Variants in PLD1 observed in about 807,000 individuals in gnomAD.
The protein encoded by PLD1 is phospholipase D1, also known as choline phosphatase 1.
Under a neutral mutation model 137.1 loss-of-function variants are expected in PLD1, and 112 were observed. The observed-to-expected ratio is 0.82, with a 90% CI of 0.70 to 0.96. The LOEUF is 0.96. PLD1 is among the 40% of genes least tolerant of loss of function. The pLI is 0.00. For synonymous variants in PLD1, 431 were observed against 454.7 expected, an observed-to-expected ratio of 0.95 and a Z score of 0.66; for missense variants, 1,321 against 1,342.0, an observed-to-expected ratio of 0.98 and a Z score of 0.24.
At chr3:171,777,259 G>A (rs940703699) in intron 1 of PLD1, among the ~76,000 whole-genome samples, 1 of 152,214 alleles carries the variant, frequency 6.6e-6, no homozygotes, top group Non-Finnish European at 1.5e-5. Context: ...ATTGTTGTGT[G>A]TGAAAAGAGT....
At chr3:171,634,891 T>TCC (rs1734974823) in intron 23 of PLD1, among the ~76,000 whole-genome samples, 1 of 152,062 alleles carries the variant, frequency 6.6e-6, no homozygotes, top group African/African-American at 2.4e-5. Context: ...GACATTTTTA[T>TCC]CACTCCCCCA....
chr3:171,656,891 C>T (rs180815372), intron 21 of PLD1, among the ~76,000 whole-genome samples: 1 of 152,306 alleles, frequency 6.6e-6, no homozygotes, highest in African/African-American at 2.4e-5. Flanking sequence ...CAAGGTCATC[C>T]CCACTCCCTA....
intron 8 of PLD1, among the ~76,000 whole-genome samples, chr3:171,719,422 C>T (rs1254114319): frequency 1.3e-5 from 2 of 152,228 alleles, no homozygotes; most frequent in Non-Finnish European, 2.9e-5. Context: ...ATGCCTAGAA[C>T]TATCTTCTAG....
rs1484817822 is a variant in PLD1, at chr3:171,737,599, G to A, written c.221C>T (p.Thr74Met). 7.5e-6 allele frequency: 12 copies of A among 1,608,480 alleles called. No individual in the cohort carries two copies. The highest frequency in any genetic ancestry group is 3.3e-5 in the South Asian group (3 of 90,808). The change falls in exon 3 of 27, where the codon ACG becomes ATG. Residue 74 changes from threonine (T) to methionine (M), a missense_variant. Coordinates refer to ENST00000351298, the MANE Select transcript of PLD1 (RefSeq NM_002662.5). ...TQGFKEPNIQ[T>M]YLSGCPIKAQ... is the part of the protein sequence containing the mutation. ...TTTTATTGGACAGCCGGAGAGATAC[G>A]TCTGTATATTAGGCTCCTTAAATCC...
chr3:171,704,356 A>G (rs1334317650), intron 11 of PLD1, among the ~76,000 whole-genome samples: 2 of 152,102 alleles, frequency 1.3e-5, no homozygotes, highest in Non-Finnish European at 2.9e-5. Context: ...AAACAAAAAT[A>G]CTAACATTCT....
chr3:171,696,984 G>A (rs909640419), intron 12 of PLD1, among the ~76,000 whole-genome samples: 2 of 152,154 alleles, frequency 1.3e-5, no homozygotes, highest in Non-Finnish European at 2.9e-5. Flanking sequence ...AAAAAGTAAA[G>A]AGAAGTCACA....
At chr3:171,697,244 T>TA (rs1560227358) in intron 12 of PLD1, among the ~76,000 whole-genome samples, 9 of 80,532 alleles carry the variant, frequency 1.1e-4, no homozygotes, top group African/African-American at 5.1e-4. Context: ...CACCTTTTTT[T>TA]TTTTTTTTTT....
chr3:171,674,979 C>CAAAAAAAAAAAAAAAAAAAAAAAAAAAAA (rs376402019), intron 18 of PLD1, among the ~76,000 whole-genome samples: 1 of 75,038 alleles, frequency 1.3e-5, no homozygotes, highest in Non-Finnish European at 2.6e-5. Flanking sequence ...ATCTCCATCT[C>CAAAAAAAAAAAAAAAAAAAAAAAAAAAAA]AAAAAAAAAA....
intron 25 of PLD1, among the ~76,000 whole-genome samples, chr3:171,609,368 A>C (rs1732463436): frequency 6.6e-6 from 1 of 152,140 alleles, no homozygotes; most frequent in African/African-American, 2.4e-5. Flanking sequence ...ATCATTCAAT[A>C]CAACAATCCC....
intron 11 of PLD1, among the ~76,000 whole-genome samples, chr3:171,701,940 A>G (rs1316284789): frequency 6.6e-6 from 1 of 152,232 alleles, no homozygotes; most frequent in Non-Finnish European, 1.5e-5. Context: ...ACCACTTAGA[A>G]GATTTAATGA....
intron 1 of PLD1, among the ~76,000 whole-genome samples, chr3:171,787,843 T>C (rs1180035030): frequency 1.3e-5 from 2 of 152,042 alleles, no homozygotes; most frequent in South Asian, 2.1e-4. Context: ...ACTTGGTTTT[T>C]TTTAAGAAAA....
chr3:171,679,651 T>C (rs149432895), intron 16 of PLD1, among the ~76,000 whole-genome samples: 151 of 152,352 alleles, frequency 9.9e-4, no homozygotes, highest in Non-Finnish European at 1.7e-3. Context: ...AACAACCAGT[T>C]ATGATAAGGA....
intron 19 of PLD1, among the ~76,000 whole-genome samples, chr3:171,670,370 T>C (rs1712622981): frequency 6.6e-6 from 1 of 152,064 alleles, no homozygotes. Flanking sequence ...TCAATGCAAA[T>C]TTACAAATAT....
chr3:171,706,382 T>C (rs1578322164), intron 11 of PLD1, among the ~76,000 whole-genome samples: 2 of 152,176 alleles, frequency 1.3e-5, no homozygotes, highest in South Asian at 4.1e-4. Flanking sequence ...TTAAAGAATG[T>C]TGCATTTAAA....
intron 25 of PLD1, among the ~76,000 whole-genome samples, chr3:171,610,452 T>C (rs1732560762): frequency 6.6e-6 from 1 of 152,220 alleles, no homozygotes; most frequent in Non-Finnish European, 1.5e-5. Flanking sequence ...AAAACTGTTA[T>C]CACAAGGTGA....
intron 1 of PLD1, among the ~76,000 whole-genome samples, chr3:171,766,598 C>T (rs572650604): frequency 8.5e-5 from 13 of 152,098 alleles, no homozygotes; most frequent in African/African-American, 3.1e-4. Flanking sequence ...TGTGATGGTC[C>T]GTCATGCAAT....
chr3:171,745,954 G>C (rs1215771912), intron 1 of PLD1, among the ~76,000 whole-genome samples: 1 of 152,142 alleles, frequency 6.6e-6, no homozygotes, highest in Non-Finnish European at 1.5e-5. Flanking sequence ...TTCTGGGTGG[G>C]CGTGGGCTCG....
At chr3:171,753,213 T>C (rs954257326) in intron 1 of PLD1, among the ~76,000 whole-genome samples, 1 of 152,216 alleles carries the variant, frequency 6.6e-6, no homozygotes, top group African/African-American at 2.4e-5. Context: ...ACTAGTTTGG[T>C]CTTTGTTCAA....
At chr3:171,806,178 T>C (rs945665752) in intron 1 of PLD1, among the ~76,000 whole-genome samples, 6 of 152,360 alleles carry the variant, frequency 3.9e-5, no homozygotes, top group African/African-American at 1.4e-4. Flanking sequence ...ATTAAATAAA[T>C]AATTCATTTT....
Sources: allele counts gnomAD v4.1 joint callset (sites outside exome capture counted in the v4.1 genomes callset), GRCh38; gene constraint gnomAD v4.1.1; transcripts MANE v1.5; gene names NCBI Gene and HGNC (gene_info 2026-07-23, HGNC 2026-07-21).